Variants in NPFFR2 observed in about 807,000 individuals in gnomAD.
The protein encoded by NPFFR2 is G-protein coupled receptor 74.
Under a neutral mutation model 13.1 loss-of-function variants are expected in NPFFR2, and 15 were observed. The observed-to-expected ratio is 1.15, with a 90% CI of 0.77 to 1.76. NPFFR2 has a LOEUF of 1.76. Among genes scored for constraint, NPFFR2 ranks in the 40% most tolerant of loss-of-function variants. NPFFR2 has a pLI of 0.00. For synonymous variants in NPFFR2, 190 were observed against 175.7 expected, an observed-to-expected ratio of 1.08 and a Z score of -0.65; for missense variants, 572 against 503.5, an observed-to-expected ratio of 1.14 and a Z score of -1.30.
At chr4:72,094,890 G>A (rs193036773) in intron 1 of NPFFR2, among the ~76,000 whole-genome samples, 67 of 152,222 alleles carry the variant, frequency 4.4e-4, no homozygotes, top group African/African-American at 1.4e-3. Context: ...CACAATTTGG[G>A]TCTCCACACA....
At chr4:72,137,695 C>T (rs982949857) in intron 2 of NPFFR2, among the ~76,000 whole-genome samples, 91 of 152,142 alleles carry the variant, frequency 6.0e-4, no homozygotes, top group African/African-American at 2.1e-3. Context: ...CCTAACTAGC[C>T]GTGGCAAAGT....
chr4:72,131,943 TAAA>T (rs35231729), intron 2 of NPFFR2, among the ~76,000 whole-genome samples: 5 of 144,324 alleles, frequency 3.5e-5, no homozygotes, highest in African/African-American at 1.3e-4. Context: ...CAATAAATGT[TAAA>T]AAAAAAAGAG....
At chr4:72,049,057 T>C (rs1038588576) in intron 1 of NPFFR2, among the ~76,000 whole-genome samples, 2 of 152,098 alleles carry the variant, frequency 1.3e-5, no homozygotes, top group Non-Finnish European at 2.9e-5. Context: ...CATTCCCTTA[T>C]TTTTTGAACC....
rs940476748 is a variant in NPFFR2 at position 72,093,394 on chromosome 4, A to C, written c.-7-35191A>C. Among the ~76,000 whole-genome samples the C allele has an allele frequency of 5.3e-5, 8 of 152,272 alleles. No homozygotes were observed. In the South Asian group the frequency reaches 1.2e-3, roughly 24 times the overall value. On this transcript the variant is annotated intron_variant, in intron 1 of 3. Coordinates refer to ENST00000308744, the MANE Select transcript of NPFFR2 (RefSeq NM_004885.3). ...TCTAGATCTCTAGCAAGGCCAGGTAAGTTTTTCTTGATTATTTCCTCAAAT... is the reference window on the plus strand; with the variant it reads ...TCTAGATCTCTAGCAAGGCCAGGTACGTTTTTCTTGATTATTTCCTCAAAT...
intron 1 of NPFFR2, among the ~76,000 whole-genome samples, chr4:72,047,119 TAAAA>T (rs1221218084): frequency 2.7e-5 from 4 of 150,612 alleles, no homozygotes; most frequent in African/African-American, 9.8e-5. Flanking sequence ...GATTGTATAA[TAAAA>T]TAAGAAACAG....
intron 1 of NPFFR2, among the ~76,000 whole-genome samples, chr4:72,102,624 T>A (rs1675406563): frequency 6.8e-6 from 1 of 147,686 alleles, no homozygotes; most frequent in Admixed American, 6.9e-5. Context: ...GAATATGCGG[T>A]GTTTGTTTTT....
Position 72,048,799 on chromosome 4 carries a change from G to A in NPFFR2, c.-8+16599G>A, listed in dbSNP as rs186753868. The stretch of plus-strand genomic sequence containing the variant: ...AAGCATGAGTTTTGTTGGAATTATT[G>A]TGAAGTTTTAGAGTTAGAATGTAAT... On this transcript the variant is annotated intron_variant, in intron 1 of 3. Coordinates refer to ENST00000308744, the MANE Select transcript of NPFFR2 (RefSeq NM_004885.3). Among the ~76,000 whole-genome samples the A allele has an allele frequency of 1.5e-3, 222 of 151,406 alleles. 2 individuals are homozygous for A. The highest frequency in any genetic ancestry group is 5.1e-3 in the African/African-American group (210 of 41,270).
chr4:72,109,324 A>C (rs1721501004), intron 1 of NPFFR2, among the ~76,000 whole-genome samples: 1 of 152,062 alleles, frequency 6.6e-6, no homozygotes, highest in Admixed American at 6.6e-5. Context: ...GGTAACCACC[A>C]TTCTATTTTC....
At chr4:72,117,638 AAC>A (rs1457767317) in intron 1 of NPFFR2, among the ~76,000 whole-genome samples, 6 of 152,190 alleles carry the variant, frequency 3.9e-5, no homozygotes, top group Non-Finnish European at 7.3e-5. Flanking sequence ...GCATGTTGTC[AAC>A]ACAGTCAATA....
chr4:72,098,047 T>C (rs1205179686), intron 1 of NPFFR2, among the ~76,000 whole-genome samples: 1 of 152,162 alleles, frequency 6.6e-6, no homozygotes, highest in African/African-American at 2.4e-5. Flanking sequence ...AGATTGAAAG[T>C]TTCCAGATGA....
At chr4:72,067,626 GT>G (rs60012251) in intron 1 of NPFFR2, among the ~76,000 whole-genome samples, 136,723 of 151,960 alleles carry the variant, frequency 0.9, 62,464 homozygotes, top group Non-Finnish European at 0.98. Flanking sequence ...TCCTTCTTCA[GT>G]TTTTTTTCTC....
chr4:72,140,155 G>A (rs56042607), intron 3 of NPFFR2, among the ~76,000 whole-genome samples: 2,806 of 152,248 alleles, frequency 0.018, 34 homozygotes, highest in Non-Finnish European at 0.028. Context: ...AGGAGATTTT[G>A]GGCTGAGATT....
intron 1 of NPFFR2, among the ~76,000 whole-genome samples, chr4:72,053,763 T>G (rs1046295148): frequency 6.6e-6 from 1 of 151,870 alleles, no homozygotes; most frequent in Non-Finnish European, 1.5e-5. Context: ...CTGATCTGTA[T>G]GTCTTTTATA....
intron 1 of NPFFR2, among the ~76,000 whole-genome samples, chr4:72,049,721 G>A (rs1719485539): frequency 6.6e-6 from 1 of 150,812 alleles, no homozygotes; most frequent in Non-Finnish European, 1.5e-5. Flanking sequence ...GAGATATTGT[G>A]ATAGAATAAG....
At chr4:72,135,699 A>C (rs531951095) in intron 2 of NPFFR2, among the ~76,000 whole-genome samples, 1 of 151,936 alleles carries the variant, frequency 6.6e-6, no homozygotes. Context: ...TGTCTGACTC[A>C]ATTTGGTTTT....
Position 72,101,832 on chromosome 4 carries a change from A to G in NPFFR2, c.-7-26753A>G, listed in dbSNP as rs896895042. 1.1e-4 allele frequency among the ~76,000 whole-genome samples: 16 copies of G among 152,202 alleles called. No individual in the cohort carries two copies. In the East Asian group the frequency reaches 2.9e-3, roughly 28 times the overall value. ...ATAATGTATTCTCCAGCTGGGACTC[A>G]TGGGCAAGGTTGTTAGCCAGAAGAT... On this transcript the variant is annotated intron_variant, in intron 1 of 3. Transcript: ENST00000308744.
chr4:72,034,449 C>G lies in NPFFR2; in HGVS notation c.-8+2249C>G, dbSNP rs1364355388. On this transcript the variant is annotated intron_variant, in intron 1 of 3. Coordinates refer to ENST00000308744, the MANE Select transcript of NPFFR2 (RefSeq NM_004885.3). ...AACCATCAGATCTCATGAGAACTCA[C>G]TCACTATCATGAGAATAACATGGTG... Among the ~76,000 whole-genome samples the G allele has an allele frequency of 2.0e-5, 3 of 152,164 alleles. No individual in the cohort carries two copies. The South Asian group carries it at 6.2e-4, about 32-fold the overall frequency.
At chr4:72,135,741 G>A (rs1156619658) in intron 2 of NPFFR2, among the ~76,000 whole-genome samples, 2 of 150,626 alleles carry the variant, frequency 1.3e-5, no homozygotes, top group African/African-American at 4.9e-5. Flanking sequence ...ATGTGTGTTA[G>A]TCTTTTTCTT....
chr4:72,049,106 C>T (rs1352069104), intron 1 of NPFFR2, among the ~76,000 whole-genome samples: 2 of 151,984 alleles, frequency 1.3e-5, no homozygotes, highest in Non-Finnish European at 2.9e-5. Context: ...TATTACACAG[C>T]ATAATTGGAT....
Sources: gnomAD v4.1 joint callset for allele counts (sites outside exome capture counted in the v4.1 genomes callset) on GRCh38, gnomAD v4.1.1 for gene constraint, MANE v1.5 for transcripts, NCBI Gene and HGNC (gene_info 2026-07-23, HGNC 2026-07-21) for gene names.